Variants in KCNQ5 observed in about 807,000 individuals in gnomAD.
The protein encoded by KCNQ5 is potassium voltage-gated channel subfamily KQT member 5.
A neutral mutation model predicts 98.2 loss-of-function variants in KCNQ5; 30 were observed. The ratio of observed to expected loss-of-function variants is 0.31; its 90% CI spans 0.23 to 0.41. KCNQ5 has a LOEUF of 0.41. Among genes scored for constraint, KCNQ5 ranks in the 10% least tolerant of loss-of-function variants. KCNQ5 has a pLI of 1.00. For synonymous variants in KCNQ5, 458 were observed against 449.4 expected, an observed-to-expected ratio of 1.02 and a Z score of -0.24; for missense variants, 835 against 1,182.5, an observed-to-expected ratio of 0.71 and a Z score of 4.31.
chr6:72,628,407 C>T (rs888945329), intron 1 of KCNQ5, among the ~76,000 whole-genome samples: 1 of 152,058 alleles, frequency 6.6e-6, no homozygotes, highest in Non-Finnish European at 1.5e-5. Context: ...GTCTGTGATC[C>T]GAGATGGTGG....
At chr6:72,721,158 T>C (rs1324415189) in intron 1 of KCNQ5, among the ~76,000 whole-genome samples, 1 of 152,164 alleles carries the variant, frequency 6.6e-6, no homozygotes, top group African/African-American at 2.4e-5. Context: ...ACATGTAGGG[T>C]TACTGTGAGG....
At chr6:72,698,143 G>C (rs1193603352) in intron 1 of KCNQ5, among the ~76,000 whole-genome samples, 1 of 152,020 alleles carries the variant, frequency 6.6e-6, no homozygotes, top group Non-Finnish European at 1.5e-5. Context: ...TCAGAATAAA[G>C]TTATTCTTTA....
At chr6:72,798,496 T>C (rs1356744422) in intron 1 of KCNQ5, among the ~76,000 whole-genome samples, 1 of 152,172 alleles carries the variant, frequency 6.6e-6, no homozygotes, top group Non-Finnish European at 1.5e-5. Context: ...GCTCTCCTCC[T>C]CTTCTGCCTT....
intron 1 of KCNQ5, among the ~76,000 whole-genome samples, chr6:72,914,697 A>G (rs916947512): frequency 1.3e-5 from 2 of 151,906 alleles, no homozygotes; most frequent in African/African-American, 4.8e-5. Context: ...TCAAAGAGCT[A>G]AAGAGTAGAT....
chr6:72,980,460 T>A (rs1303876540), intron 1 of KCNQ5, among the ~76,000 whole-genome samples: 2 of 152,234 alleles, frequency 1.3e-5, no homozygotes, highest in African/African-American at 4.8e-5. Flanking sequence ...AGTTCACTCA[T>A]GATTTGGCTC....
intron 1 of KCNQ5, among the ~76,000 whole-genome samples, chr6:72,861,952 C>T (rs1777781476): frequency 6.6e-6 from 1 of 152,180 alleles, no homozygotes; most frequent in Non-Finnish European, 1.5e-5. Flanking sequence ...TGTGTCTGCT[C>T]CTTTTTCCTG....
chr6:73,147,074 T>C (rs79378709), intron 10 of KCNQ5, among the ~76,000 whole-genome samples: 1,624 of 152,164 alleles, frequency 0.011, 29 homozygotes, highest in African/African-American at 0.035. Flanking sequence ...CAGAACTTGT[T>C]TTAAATCCTA....
At chr6:73,048,625 T>C (rs929424619) in intron 3 of KCNQ5, among the ~76,000 whole-genome samples, 2 of 152,206 alleles carry the variant, frequency 1.3e-5, no homozygotes, top group African/African-American at 4.8e-5. Flanking sequence ...TTTTTAGTCA[T>C]GTATGCCTGT....
intron 1 of KCNQ5, among the ~76,000 whole-genome samples, chr6:72,850,388 A>G (rs145121297): frequency 2.7e-4 from 41 of 152,316 alleles, no homozygotes; most frequent in African/African-American, 9.6e-4. Context: ...AAAGAGAGGC[A>G]GAGCTATGGC....
At chr6:72,969,462 A>G (rs188395325) in intron 1 of KCNQ5, among the ~76,000 whole-genome samples, 177 of 152,276 alleles carry the variant, frequency 1.2e-3, no homozygotes, top group African/African-American at 3.9e-3. Context: ...GGTTTGTCTC[A>G]GTCATTAGTT....
intron 2 of KCNQ5, among the ~76,000 whole-genome samples, chr6:73,019,547 A>G (rs1770496915): frequency 6.6e-6 from 1 of 152,196 alleles, no homozygotes; most frequent in Admixed American, 6.5e-5. Context: ...CAAAAGGATA[A>G]AAGGATAAAA....
chr6:72,979,679 A>G (rs1402897754), intron 1 of KCNQ5, among the ~76,000 whole-genome samples: 1 of 152,134 alleles, frequency 6.6e-6, no homozygotes, highest in African/African-American at 2.4e-5. Flanking sequence ...TCTTAGTTTA[A>G]TTAGATTCCA....
At chr6:72,785,463 A>G (rs774557541) in intron 1 of KCNQ5, among the ~76,000 whole-genome samples, 50 of 152,268 alleles carry the variant, frequency 3.3e-4, no homozygotes, top group Non-Finnish European at 5.9e-4. Flanking sequence ...AGCCTGTCCA[A>G]CATAGTGATA....
At chr6:73,174,044 G>T (rs1011505425) in intron 11 of KCNQ5, among the ~76,000 whole-genome samples, 12 of 148,682 alleles carry the variant, frequency 8.1e-5, no homozygotes, top group Non-Finnish European at 1.6e-4. Flanking sequence ...TACCGGTATT[G>T]TTTTCAATGA....
chr6:72,988,137 G>C (rs1266809937), intron 1 of KCNQ5, among the ~76,000 whole-genome samples: 1 of 152,190 alleles, frequency 6.6e-6, no homozygotes, highest in Non-Finnish European at 1.5e-5. Context: ...AGACATCAAT[G>C]TGTACAGATG....
At chr6:72,775,885 C>CA (rs1304032476) in intron 1 of KCNQ5, among the ~76,000 whole-genome samples, 1 of 152,072 alleles carries the variant, frequency 6.6e-6, no homozygotes, top group Non-Finnish European at 1.5e-5. Flanking sequence ...TCCTAGGAGA[C>CA]ACGAAATCTA....
intron 10 of KCNQ5, among the ~76,000 whole-genome samples, chr6:73,159,254 CCAAAT>C (rs779726492): frequency 6.6e-6 from 1 of 152,124 alleles, no homozygotes; most frequent in Non-Finnish European, 1.5e-5. Context: ...GAACAAAAAA[CCAAAT>C]ACCACATGTT....
intron 5 of KCNQ5, among the ~76,000 whole-genome samples, chr6:73,090,020 T>A (rs1774169792): frequency 6.6e-6 from 1 of 152,206 alleles, no homozygotes; most frequent in Non-Finnish European, 1.5e-5. Context: ...TAGTTTACAT[T>A]CCAACCAGCA....
At chr6:73,064,897 A>G (rs988451821) in intron 3 of KCNQ5, among the ~76,000 whole-genome samples, 1 of 152,146 alleles carries the variant, frequency 6.6e-6, no homozygotes, top group Non-Finnish European at 1.5e-5. Context: ...CAGGGGACAA[A>G]TGCTTCTTTC....
Sources: gnomAD v4.1 joint callset for allele counts (sites outside exome capture counted in the v4.1 genomes callset) on GRCh38, gnomAD v4.1.1 for gene constraint, MANE v1.5 for transcripts, NCBI Gene and HGNC (gene_info 2026-07-23, HGNC 2026-07-21) for gene names.